TRMT11: variants seen among roughly 807,000 people sequenced by gnomAD.
TRMT11 encodes tRNA (guanine(10)-N(2))-methyltransferase TRMT11.
Under a neutral mutation model 62.8 loss-of-function variants are expected in TRMT11, and 53 were observed. That is an observed-to-expected ratio of 0.84 (90% confidence interval 0.68 to 1.06). TRMT11 has a LOEUF of 1.06. Ranked by LOEUF, TRMT11 falls within the 50% of genes least tolerant of loss-of-function variation. The probability of loss-of-function intolerance (pLI) is 0.00; values close to 1 mark genes in which losing one functional copy is unlikely to be tolerated. For synonymous variants in TRMT11, 188 were observed against 190.3 expected (o/e 0.99, Z 0.10); for missense variants, 556 against 553.4 (o/e 1.00, Z -0.05).
the TRMT11 span, among the ~76,000 whole-genome samples, chr6:126,264,316 C>T: frequency 2.6e-5 from 4 of 151,536 alleles, no homozygotes; most frequent in Admixed American, 6.6e-5. Flanking sequence ...GCCAATTATA[C>T]TTGAGGAATC....
chr6:126,190,169 G>C (rs185109978), intron 1 of TRMT11, among the ~76,000 whole-genome samples: 1 of 151,902 alleles, frequency 6.6e-6, no homozygotes, highest in Admixed American at 6.6e-5. Context: ...CTGCGTTTTT[G>C]TACCCATTAA....
Position 126,184,419 on chromosome 6 carries a change from A to C in TRMT11, n.143+7084A>C, listed in dbSNP as rs36059200. Among the ~76,000 whole-genome samples, 78 of 152,342 alleles carry C rather than the reference A, an allele frequency of 5.1e-4. 1 individual carries two copies. In the East Asian group the frequency reaches 0.012, roughly 24 times the overall value. ...TTACTTTGAAGTCCAGAGCATAATC[A>C]TGGTAACAGTTACAGGTTTTGAACT... On this transcript the variant is annotated intron_variant and non_coding_transcript_variant, in intron 1 of 3. Transcript: ENST00000444229.
intron 17 of TRMT11, among the ~76,000 whole-genome samples, chr6:126,063,947 C>T (rs983780920): frequency 3.9e-5 from 6 of 151,940 alleles, no homozygotes; most frequent in South Asian, 2.1e-4. Flanking sequence ...GGAAGTGGGC[C>T]GAGGAAGGAC....
intron 17 of TRMT11, among the ~76,000 whole-genome samples, chr6:126,076,230 G>A (rs1777020394): frequency 6.6e-6 from 1 of 152,182 alleles, no homozygotes; most frequent in Non-Finnish European, 1.5e-5. Flanking sequence ...TCCAATTACA[G>A]CTCTTATAGT....
intron 17 of TRMT11, among the ~76,000 whole-genome samples, chr6:126,078,566 C>T (rs986775097): frequency 2.0e-5 from 3 of 152,228 alleles, no homozygotes; most frequent in East Asian, 3.9e-4. Flanking sequence ...GTCCTTACTG[C>T]GCATTTGTCA....
At chr6:126,123,369 A>T (rs576882548) in intron 21 of TRMT11, among the ~76,000 whole-genome samples, 1 of 152,222 alleles carries the variant, frequency 6.6e-6, no homozygotes, top group Admixed American at 6.5e-5. Context: ...TAACAGCACT[A>T]GTCAAGGAAC....
intron 17 of TRMT11, among the ~76,000 whole-genome samples, chr6:126,092,379 AAG>A (rs1215878506): frequency 6.6e-6 from 1 of 152,180 alleles, no homozygotes; most frequent in Non-Finnish European, 1.5e-5. Flanking sequence ...GGTGGCAGGC[AAG>A]AGAGAGAATG....
intron 10 of TRMT11, 42 bp from the exon 11 acceptor site, chr6:126,012,928 A>T: frequency 6.2e-7 from 1 of 1,609,170 alleles, no homozygotes; most frequent in Non-Finnish European, 8.5e-7. Flanking sequence ...TAGCACTCTT[A>T]AAATTTTTCA....
At chr6:126,060,086 G>T (rs1776487844) in intron 17 of TRMT11, among the ~76,000 whole-genome samples, 2 of 152,212 alleles carry the variant, frequency 1.3e-5, no homozygotes, top group Non-Finnish European at 2.9e-5. Context: ...TAGTGAACAT[G>T]AACTGTCAAG....
chr6:125,987,719 A>T (rs1262717366), intron 1 of TRMT11, among the ~76,000 whole-genome samples: 1 of 152,196 alleles, frequency 6.6e-6, no homozygotes, highest in Admixed American at 6.5e-5. Context: ...GATTGATTGA[A>T]TATGTGGGAA....
At chr6:126,098,503 A>G (rs1777363413) in intron 17 of TRMT11, among the ~76,000 whole-genome samples, 1 of 152,188 alleles carries the variant, frequency 6.6e-6, no homozygotes, top group South Asian at 2.1e-4. Flanking sequence ...TGAGCTTTTA[A>G]AAAGTACCTC....
At chr6:126,125,260 T>C (rs886575982) in intron 21 of TRMT11, among the ~76,000 whole-genome samples, 1 of 152,126 alleles carries the variant, frequency 6.6e-6, no homozygotes, top group Non-Finnish European at 1.5e-5. Context: ...TTTAGTTTTT[T>C]TCCTCTTATA....
intron 17 of TRMT11, among the ~76,000 whole-genome samples, chr6:126,071,075 CCTT>C (rs1776837547): frequency 2.0e-5 from 3 of 152,270 alleles, no homozygotes; most frequent in Middle Eastern, 6.8e-3. Flanking sequence ...TCATGTATGG[CCTT>C]CTTACGCCCT....
chr6:126,031,624 G>A (rs1462460498), intron 12 of TRMT11, among the ~76,000 whole-genome samples: 1 of 152,176 alleles, frequency 6.6e-6, no homozygotes, highest in East Asian at 1.9e-4. Flanking sequence ...GTATATGTGG[G>A]GAACCCTGGA....
intron 12 of TRMT11, among the ~76,000 whole-genome samples, chr6:126,031,652 A>G (rs570776685): frequency 6.6e-6 from 1 of 152,302 alleles, no homozygotes; most frequent in East Asian, 1.9e-4. Flanking sequence ...GTAGCTGGAA[A>G]TACTGAGCAG....
At chr6:126,235,409 TTCACTGCAG>T in the TRMT11 span, among the ~76,000 whole-genome samples, 1 of 152,322 alleles carries the variant, frequency 6.6e-6, no homozygotes, top group East Asian at 1.9e-4. Context: ...TACGCATATG[TTCACTGCAG>T]CACTATTCAC....
intron 17 of TRMT11, among the ~76,000 whole-genome samples, chr6:126,079,448 A>G (rs1031930858): frequency 1.3e-5 from 2 of 152,182 alleles, no homozygotes; most frequent in Admixed American, 6.5e-5. Flanking sequence ...AAGTGGCTGT[A>G]TCATGCTAAC....
At chr6:126,054,065 G>A (rs1025362566) in intron 17 of TRMT11, among the ~76,000 whole-genome samples, 1 of 152,200 alleles carries the variant, frequency 6.6e-6, no homozygotes, top group South Asian at 2.1e-4. Flanking sequence ...GGACTCATAC[G>A]CCCTGCTGCA....
At chr6:126,019,523 A>G (rs1018762952) in intron 11 of TRMT11, among the ~76,000 whole-genome samples, 3 of 152,184 alleles carry the variant, frequency 2.0e-5, no homozygotes, top group Admixed American at 6.5e-5. Context: ...TATTTAAGTG[A>G]CACCTTAATA....
Sources: allele counts gnomAD v4.1 joint callset (sites outside exome capture counted in the v4.1 genomes callset), GRCh38; gene constraint gnomAD v4.1.1; transcripts MANE v1.5; gene names NCBI Gene and HGNC (gene_info 2026-07-23, HGNC 2026-07-21).